The following WWOX variants were observed in gnomAD, a reference collection of about 807,000 sequenced individuals.
WWOX encodes the protein WW domain-containing oxidoreductase.
WWOX carries 69 observed loss-of-function variants against 46.2 expected under a neutral mutation model. The ratio of observed to expected loss-of-function variants is 1.49; its 90% CI spans 1.23 to 1.82. The LOEUF (loss-of-function observed/expected upper bound fraction) is 1.82. Ranked by LOEUF, WWOX falls within the 40% of genes most tolerant of loss-of-function variation. WWOX has a pLI of 0.00. For missense variants in WWOX, 919 were observed against 542.6 expected (o/e 1.69, Z -6.89); for synonymous variants, 359 against 202.6 (o/e 1.77, Z -6.56).
intron 8 of WWOX, among the ~76,000 whole-genome samples, chr16:78,489,382 G>A (rs1036709253): frequency 3.3e-5 from 5 of 152,078 alleles, no homozygotes; most frequent in South Asian, 2.1e-4. Context: ...CCAAATATCC[G>A]AGTGTGGAAG....
At chr16:78,189,178 A>G (rs754226312) in intron 5 of WWOX, among the ~76,000 whole-genome samples, 1 of 152,188 alleles carries the variant, frequency 6.6e-6, no homozygotes, top group Admixed American at 6.5e-5. Flanking sequence ...GCTTCTCAAG[A>G]CTAGGAATAC....
At chr16:79,047,609 C>G (rs138888260) in intron 8 of WWOX, among the ~76,000 whole-genome samples, 52 of 146,078 alleles carry the variant, frequency 3.6e-4, no homozygotes, top group Admixed American at 1.0e-3. Flanking sequence ...TAAAATAACA[C>G]AAATCGATTC....
At chr16:78,125,510 T>C in intron 4 of WWOX, among the ~76,000 whole-genome samples, 1 of 152,114 alleles carries the variant, frequency 6.6e-6, no homozygotes, top group Non-Finnish European at 1.5e-5. Flanking sequence ...GAGTGGCATC[T>C]GCGGGGAGGG....
chr16:78,407,878 C>G (rs953525687), intron 6 of WWOX, among the ~76,000 whole-genome samples: 4 of 152,310 alleles, frequency 2.6e-5, no homozygotes, highest in Non-Finnish European at 5.9e-5. Context: ...TGATTACTGT[C>G]TACTGTAGAG....
chr16:78,126,022 A>G (rs1277035112), intron 4 of WWOX, among the ~76,000 whole-genome samples: 5 of 152,194 alleles, frequency 3.3e-5, no homozygotes, highest in Non-Finnish European at 7.3e-5. Flanking sequence ...AGCATGTATG[A>G]TTGTAAGCAT....
chr16:78,870,224 C>A (rs560800259), intron 8 of WWOX, among the ~76,000 whole-genome samples: 34 of 152,328 alleles, frequency 2.2e-4, no homozygotes, highest in Non-Finnish European at 3.8e-4. Flanking sequence ...TCTGTTGATA[C>A]ACATTCAGGA....
chr16:78,623,781 C>A (rs2046244976), intron 8 of WWOX, among the ~76,000 whole-genome samples: 1 of 151,184 alleles, frequency 6.6e-6, no homozygotes, highest in African/African-American at 2.4e-5. Flanking sequence ...TTCTATTTTT[C>A]ATTATTTTCC....
intron 8 of WWOX, among the ~76,000 whole-genome samples, chr16:78,490,135 T>A (rs1260064485): frequency 1.9e-4 from 29 of 150,836 alleles, no homozygotes; most frequent in Admixed American, 2.6e-4. Flanking sequence ...GGGAAAAAAT[T>A]TTTTTTTTTT....
rs116805437 is a variant in WWOX at position 78,426,430 on chromosome 16, G to A, written c.791+1375G>A. Among the ~76,000 whole-genome samples the A allele has an allele frequency of 1.6e-3, 237 of 152,260 alleles. 1 individual carries two copies. The highest frequency in any genetic ancestry group is 5.5e-3 in the African/African-American group (227 of 41,554). ...AAATCTGTATCTCAAATGGTATTTC[G>A]TGTGACGTCTTTGTTCTTTGCTTAA... On this transcript the variant is annotated intron_variant, in intron 7 of 8. Transcript: ENST00000566780.
intron 8 of WWOX, among the ~76,000 whole-genome samples, chr16:78,600,968 C>T (rs1308281326): frequency 6.6e-6 from 1 of 152,288 alleles, no homozygotes; most frequent in East Asian, 1.9e-4. Context: ...ACTGCCTTTC[C>T]TACTAGAGCT....
chr16:78,422,355 G>GT (rs1255038772), intron 6 of WWOX, among the ~76,000 whole-genome samples: 4 of 147,076 alleles, frequency 2.7e-5, no homozygotes, highest in African/African-American at 1.1e-4. Flanking sequence ...TGTGAAAAGT[G>GT]TCTTTTTTTT....
intron 8 of WWOX, among the ~76,000 whole-genome samples, chr16:78,693,457 C>G (rs2048033152): frequency 6.6e-6 from 1 of 152,166 alleles, no homozygotes; most frequent in Admixed American, 6.5e-5. Context: ...AGTTTTCCAG[C>G]TTCTATTTTT....
At chr16:78,672,306 C>T (rs1440612857) in intron 8 of WWOX, among the ~76,000 whole-genome samples, 1 of 152,196 alleles carries the variant, frequency 6.6e-6, no homozygotes, top group African/African-American at 2.4e-5. Flanking sequence ...GGGCATTCAT[C>T]ATGAAAATAC....
rs527975494 is a variant in WWOX, at chr16:78,334,746, C to G, written c.517-52114C>G. ...ATGCTAACCCATATGGGAGAAATTT[C>G]CAAAGAATTAAAACCACCCACCAGG... is the stretch of plus-strand genomic sequence containing the variant. On this transcript the variant is annotated intron_variant, in intron 5 of 8. Transcript: ENST00000566780. 5.3e-5 allele frequency among the ~76,000 whole-genome samples: 8 copies of G among 150,442 alleles called. No homozygotes were observed. In the Admixed American group the frequency reaches 5.3e-4, roughly 10 times the overall value.
At chr16:79,205,466 A>T (rs1227170938) in intron 8 of WWOX, 1 of 152,200 alleles carries the variant, frequency 6.6e-6, no homozygotes, top group Non-Finnish European at 1.5e-5. Flanking sequence ...CTAATTTGTT[A>T]GGGAGGGCAT....
intron 8 of WWOX, among the ~76,000 whole-genome samples, chr16:78,616,905 T>A (rs1305984528): frequency 6.6e-6 from 1 of 152,146 alleles, no homozygotes; most frequent in Non-Finnish European, 1.5e-5. Context: ...ATATAAATTT[T>A]GGGGGGACAC....
chr16:79,211,730 G>T lies in WWOX; in HGVS notation c.1179G>T (p.Thr393=), dbSNP rs376293017. ...MPSPEAQSEE[T]ARTLWALSER... ...CACCAGAAGCTCAGAGCGAAGAGACGGCCCGGACCCTGTGGGCGCTCAGCG... is the reference window on the plus strand; with the variant it reads ...CACCAGAAGCTCAGAGCGAAGAGACTGCCCGGACCCTGTGGGCGCTCAGCG... The change falls in exon 9 of 9, where the codon ACG becomes ACT. Residue 393 remains threonine, a synonymous_variant. Coordinates refer to ENST00000566780, the MANE Select transcript of WWOX (RefSeq NM_016373.4). The T allele has an allele frequency of 1.9e-6, 3 of 1,614,198 alleles. No individual in the cohort carries two copies. The highest frequency in any genetic ancestry group is 4.5e-5 in the East Asian group (2 of 44,866).
At chr16:78,831,455 A>G (rs1292566746) in intron 8 of WWOX, among the ~76,000 whole-genome samples, 1 of 152,186 alleles carries the variant, frequency 6.6e-6, no homozygotes, top group Non-Finnish European at 1.5e-5. Context: ...TGGGTGCTCT[A>G]GGGAGATGCA....
chr16:78,748,098 C>T (rs140043010), intron 8 of WWOX, among the ~76,000 whole-genome samples: 11 of 152,244 alleles, frequency 7.2e-5, no homozygotes, highest in African/African-American at 2.6e-4. Context: ...TCTGCTCTTT[C>T]TCTCCCAGAC....
Sources: gnomAD v4.1 joint callset for allele counts (sites outside exome capture counted in the v4.1 genomes callset) on GRCh38, gnomAD v4.1.1 for gene constraint, MANE v1.5 for transcripts, NCBI Gene and HGNC (gene_info 2026-07-23, HGNC 2026-07-21) for gene names.